TGIF1: variants seen among roughly 807,000 people sequenced by gnomAD.
The protein encoded by TGIF1 is homeobox protein TGIF1.
A neutral mutation model predicts 19.3 loss-of-function variants in TGIF1; 4 were observed. The ratio of observed to expected loss-of-function variants is 0.21; its 90% CI spans 0.10 to 0.47. The LOEUF (loss-of-function observed/expected upper bound fraction) is 0.47. Ranked by LOEUF, TGIF1 falls within the 20% of genes least tolerant of loss-of-function variation. The probability of loss-of-function intolerance (pLI) is 0.98; values close to 1 mark genes in which losing one functional copy is unlikely to be tolerated. For synonymous variants in TGIF1, 122 were observed against 129.3 expected (o/e 0.94, Z 0.38); for missense variants, 275 against 341.4 (o/e 0.81, Z 1.53).
chr18:3,428,736 CA>C (rs529812707), intron 2 of TGIF1, among the ~76,000 whole-genome samples: 5,448 of 145,030 alleles, frequency 0.038, 335 homozygotes, highest in African/African-American at 0.13. Context: ...GACTTCATCT[CA>C]AAAAAAAAAA....
chr18:3,423,728 A>G (rs186021004), intron 2 of TGIF1, among the ~76,000 whole-genome samples: 1 of 151,952 alleles, frequency 6.6e-6, no homozygotes, highest in Non-Finnish European at 1.5e-5. Flanking sequence ...GGTGGTGCAC[A>G]CTTGCAATCC....
intron 2 of TGIF1, among the ~76,000 whole-genome samples, chr18:3,422,296 T>TAAAAAAAAAAAAAAAAAAAAA (rs34822467): frequency 3.7e-5 from 3 of 80,432 alleles, no homozygotes; most frequent in Admixed American, 1.5e-4. Flanking sequence ...GTTTAAAAAG[T>TAAAAAAAAAAAAAAAAAAAAA]AAAAAAAAAA....
chr18:3,435,889 C>T lies in TGIF1; in HGVS notation c.-45+17674C>T, dbSNP rs1239349927. 4.6e-5 allele frequency among the ~76,000 whole-genome samples: 7 copies of T among 152,054 alleles called. No individual in the cohort carries two copies. The South Asian group carries it at 1.4e-3, about 31-fold the overall frequency. On this transcript the variant is annotated intron_variant, in intron 2 of 3. Coordinates refer to the TGIF1 transcript ENST00000401449. ...ATGTATATATATTTAGGGACAAGGTCTCACTCTGTCACCCAGGCTGGAGTG... is the reference window on the plus strand; with the variant it reads ...ATGTATATATATTTAGGGACAAGGTTTCACTCTGTCACCCAGGCTGGAGTG...
At chr18:3,433,372 C>T (rs2082575716) in intron 2 of TGIF1, among the ~76,000 whole-genome samples, 2 of 152,176 alleles carry the variant, frequency 1.3e-5, no homozygotes, top group South Asian at 4.1e-4. Flanking sequence ...CCACGCCTGG[C>T]CCTTATGAAT....
rs1568047226 is a variant in TGIF1, at chr18:3,451,244, G to GT, written c.16+740dup. On this transcript the variant is annotated intron_variant, in intron 1 of 2. Coordinates refer to ENST00000343820, the MANE Select transcript of TGIF1 (RefSeq NM_003244.4). The surrounding 1 kb of genome is among the most constrained non-coding windows in gnomAD (Gnocchi z 5.4). Reference sequence around the variant, plus strand: ...CCAAATGTGACAAGCAGGCTTGGTTGTAAGTGCAAAGAGCAAGGCTGTCAT... The same window carrying GT: ...CCAAATGTGACAAGCAGGCTTGGTTGTTAAGTGCAAAGAGCAAGGCTGTCAT... 6.6e-6 allele frequency among the ~76,000 whole-genome samples: 1 copy of GT among 152,188 alleles called. No homozygotes were observed. Among genetic ancestry groups the GT allele is most frequent in the Admixed American group, 6.5e-5 (1 of 15,282 alleles).
chr18:3,430,031 C>G (rs1449915430), intron 2 of TGIF1, among the ~76,000 whole-genome samples: 1 of 152,196 alleles, frequency 6.6e-6, no homozygotes, highest in Non-Finnish European at 1.5e-5. Context: ...TGGTGGGCAC[C>G]TGTAATCCCA....
At chr18:3,439,336 A>C (rs1032677128) in intron 2 of TGIF1, among the ~76,000 whole-genome samples, 2 of 151,388 alleles carry the variant, frequency 1.3e-5, no homozygotes, top group African/African-American at 4.9e-5. Flanking sequence ...TTCTGAAGTC[A>C]CCTCACTATT....
rs1255607076 is a variant in TGIF1 at position 3,457,166 on chromosome 18, TA to T, written c.244-198del. 3 of 655,008 alleles carry T rather than the reference TA, an allele frequency of 4.6e-6. No homozygotes were observed. The highest frequency in any genetic ancestry group is 7.8e-6 in the Non-Finnish European group (3 of 384,478). 40.6% of individuals were successfully genotyped at this position (655,008 alleles called of 1,614,324 possible). Reference sequence around the variant, plus strand: ...AAAAAAGGAAATTTGTATTAGAAACTAGAAGGCTTATGACAGGTGGTAGCTT... The same window carrying T: ...AAAAAAGGAAATTTGTATTAGAAACTGAAGGCTTATGACAGGTGGTAGCTT... On this transcript the variant is annotated intron_variant, in intron 2 of 2. Coordinates refer to ENST00000343820, the MANE Select transcript of TGIF1 (RefSeq NM_003244.4). The surrounding 1 kb of genome is among the most constrained non-coding windows in gnomAD (Gnocchi z 4.9).
intron 1 of TGIF1, among the ~76,000 whole-genome samples, chr18:3,413,574 A>T (rs575277926): frequency 6.8e-6 from 1 of 147,280 alleles, no homozygotes; most frequent in Non-Finnish European, 1.5e-5. Flanking sequence ...TGAGAATTTT[A>T]TAAGGTTTTT....
chr18:3,428,649 A>G (rs997911499), intron 2 of TGIF1, among the ~76,000 whole-genome samples: 2 of 152,122 alleles, frequency 1.3e-5, no homozygotes, highest in Admixed American at 6.5e-5. Context: ...AGGCGGGAGA[A>G]TCACTTGAAT....
At chr18:3,428,761 G>A (rs989431481) in intron 2 of TGIF1, among the ~76,000 whole-genome samples, 1 of 150,588 alleles carries the variant, frequency 6.6e-6, no homozygotes, top group African/African-American at 2.4e-5. Context: ...TATTTTATAG[G>A]TCAGGCGCAG....
At chr18:3,428,062 T>G (rs563602045) in intron 2 of TGIF1, among the ~76,000 whole-genome samples, 1 of 152,364 alleles carries the variant, frequency 6.6e-6, no homozygotes, top group East Asian at 1.9e-4. Context: ...CCTTTTTCAC[T>G]GTGCTGACAT....
intron 1 of TGIF1, chr18:3,452,353 C>T (rs780589673): frequency 3.1e-6 from 5 of 1,613,234 alleles, no homozygotes; most frequent in South Asian, 2.2e-5. Context: ...GGTCCAGCTC[C>T]TCGGCGCCGA....
At chr18:3,435,269 T>C (rs774676593) in intron 2 of TGIF1, among the ~76,000 whole-genome samples, 9 of 151,156 alleles carry the variant, frequency 6.0e-5, no homozygotes, top group Non-Finnish European at 1.2e-4. Flanking sequence ...CTCGGCTCAC[T>C]GCAACCTCCG....
intron 1 of TGIF1, among the ~76,000 whole-genome samples, chr18:3,416,247 C>T (rs2082330425): frequency 6.6e-6 from 1 of 152,216 alleles, no homozygotes; most frequent in Non-Finnish European, 1.5e-5. Flanking sequence ...CAGCTGGGCA[C>T]AGTGGCTCAT....
intron 1 of TGIF1, chr18:3,415,649 T>G: frequency 5.1e-6 from 1 of 195,876 alleles, no homozygotes; most frequent in Non-Finnish European, 1.1e-5. Flanking sequence ...TTTGGTTACA[T>G]AAGAGTGCAA....
chr18:3,431,613 C>A (rs552070840), intron 2 of TGIF1, among the ~76,000 whole-genome samples: 1 of 152,018 alleles, frequency 6.6e-6, no homozygotes, highest in Admixed American at 6.6e-5. Context: ...AGAAAACCAA[C>A]AAATAAATGT....
rs955064447 is a variant in TGIF1 at position 3,451,576 on chromosome 18, C to T, written c.16+1071C>T. ...GCTACTGCGCATGCCCGGGAGCCGC[C>T]TGGAGTTTGGAACTCCACATTCTTT... On this transcript the variant is annotated intron_variant, in intron 1 of 2. Transcript: ENST00000343820. This position sits in a 1 kb window ranked among gnomAD's most constrained non-coding sequence, Gnocchi z 5.4. 2.9e-6 allele frequency: 3 copies of T among 1,028,784 alleles called. No individual in the cohort carries two copies. Among genetic ancestry groups the T allele is most frequent in the African/African-American group, 3.4e-5 (2 of 59,016 alleles). The allele number at this position is 1,028,784 out of a possible 1,614,324, so 63.7% of individuals were successfully genotyped here.
chr18:3,415,018 A>G (rs1307835552), intron 1 of TGIF1: 2 of 152,606 alleles, frequency 1.3e-5, no homozygotes, highest in Non-Finnish European at 2.9e-5. Context: ...AAAATTTTGC[A>G]TATTCCTTGA....
Sources: allele counts gnomAD v4.1 joint callset (sites outside exome capture counted in the v4.1 genomes callset), GRCh38; gene constraint gnomAD v4.1.1; non-coding constraint Gnocchi (gnomAD v3.1); transcripts MANE v1.5; gene names NCBI Gene and HGNC (gene_info 2026-07-23, HGNC 2026-07-21).